The following CYP7B1 variants were observed in gnomAD, a reference collection of about 807,000 sequenced individuals.
CYP7B1 encodes cytochrome P450 family 7 subfamily B member 1, also known as cytochrome P450 7B1.
In CYP7B1, 29 loss-of-function variants were observed where a neutral mutation model predicts 42.7. That is an observed-to-expected ratio of 0.68 (90% CI 0.51 to 0.93). The LOEUF (loss-of-function observed/expected upper bound fraction) is 0.93, where lower values mean the gene tolerates loss of function less well. CYP7B1 is among the 40% of genes least tolerant of loss of function. The pLI is 0.00. For missense variants in CYP7B1, 655 were observed against 600.5 expected, an observed-to-expected ratio of 1.09 and a Z score of -0.95; for synonymous variants, 235 against 218.2, an observed-to-expected ratio of 1.08 and a Z score of -0.68.
rs1331572536 is a variant in CYP7B1, at chr8:64,685,278, G to A, written c.123-60739C>T. 1.3e-4 allele frequency among the ~76,000 whole-genome samples: 19 copies of A among 143,936 alleles called. No individual in the cohort carries two copies. The East Asian group carries it at 1.5e-3, about 11-fold the overall frequency. The allele number at this position is 143,936 out of a possible 152,430, so 94.4% of individuals were successfully genotyped here. ...AGTGCCGAGATTGCAGCCTCTGCCC[G>A]GCTGCCACCCCGTCTGGGAAGTGAG... On this transcript the variant is annotated intron_variant, in intron 1 of 5. Coordinates refer to ENST00000310193, the MANE Select transcript of CYP7B1 (RefSeq NM_004820.5).
chr8:64,629,003 G>A (rs1001841199), intron 1 of CYP7B1, among the ~76,000 whole-genome samples: 8 of 152,034 alleles, frequency 5.3e-5, no homozygotes, highest in South Asian at 2.1e-4. Context: ...TGAGGTGGGC[G>A]GATCATGACG....
At chr8:64,603,720 C>A (rs944906767) in intron 5 of CYP7B1, among the ~76,000 whole-genome samples, 3 of 152,132 alleles carry the variant, frequency 2.0e-5, no homozygotes, top group Non-Finnish European at 4.4e-5. Context: ...TATGTACACT[C>A]CCCCCACACT....
chr8:64,793,666 C>G (rs1440925007), intron 1 of CYP7B1, among the ~76,000 whole-genome samples: 1 of 151,932 alleles, frequency 6.6e-6, no homozygotes, highest in Non-Finnish European at 1.5e-5. Flanking sequence ...TAAGGCTGGT[C>G]CTTCCAATGG....
chr8:64,640,619 A>T (rs1805838394), intron 1 of CYP7B1, among the ~76,000 whole-genome samples: 1 of 152,160 alleles, frequency 6.6e-6, no homozygotes, highest in Admixed American at 6.6e-5. Context: ...CTGAAACTAA[A>T]AGAGATTTGG....
intron 1 of CYP7B1, among the ~76,000 whole-genome samples, chr8:64,699,506 A>T (rs575757001): frequency 9.2e-5 from 14 of 152,260 alleles, no homozygotes; most frequent in African/African-American, 3.4e-4. Flanking sequence ...AACCAATGAC[A>T]TTCAAGAGAG....
At chr8:64,644,662 A>G (rs1272351194) in intron 1 of CYP7B1, among the ~76,000 whole-genome samples, 1 of 152,178 alleles carries the variant, frequency 6.6e-6, no homozygotes, top group Non-Finnish European at 1.5e-5. Flanking sequence ...GGTCTCAACA[A>G]TGAACTTAAA....
chr8:64,598,879 T>G (rs558171397), intron 5 of CYP7B1, among the ~76,000 whole-genome samples: 1 of 152,366 alleles, frequency 6.6e-6, no homozygotes, highest in South Asian at 2.1e-4. Flanking sequence ...GCCACTGTCT[T>G]TAGCTCTGTG....
At chr8:64,703,468 T>C (rs1266681390) in intron 1 of CYP7B1, among the ~76,000 whole-genome samples, 1 of 152,010 alleles carries the variant, frequency 6.6e-6, no homozygotes, top group Non-Finnish European at 1.5e-5. Flanking sequence ...TCATATTTAA[T>C]ACCATACAAA....
At chr8:64,647,101 T>A (rs555205013) in intron 1 of CYP7B1, among the ~76,000 whole-genome samples, 1 of 152,246 alleles carries the variant, frequency 6.6e-6, no homozygotes, top group Admixed American at 6.5e-5. Context: ...TTGGCCTAAC[T>A]TCAATGTTGT....
At chr8:64,700,741 C>T (rs559867926) in intron 1 of CYP7B1, among the ~76,000 whole-genome samples, 4 of 152,162 alleles carry the variant, frequency 2.6e-5, no homozygotes, top group African/African-American at 7.2e-5. Context: ...TATGTGATAG[C>T]AGTGGGTGGT....
chr8:64,638,676 G>A (rs1351340522), intron 1 of CYP7B1, among the ~76,000 whole-genome samples: 1 of 152,070 alleles, frequency 6.6e-6, no homozygotes, highest in Non-Finnish European at 1.5e-5. Context: ...CAATTCCAGG[G>A]TGGAGTAAGG....
chr8:64,670,413 AAGAT>A (rs1407906789), intron 1 of CYP7B1, among the ~76,000 whole-genome samples: 1 of 152,182 alleles, frequency 6.6e-6, no homozygotes, highest in East Asian at 1.9e-4. Context: ...AAATGAAAAA[AAGAT>A]AGGCTTCTGC....
rs1487053159 is a variant in CYP7B1 at position 64,615,293 on chromosome 8, G to C, written c.851-61C>G. The C allele has an allele frequency of 4.7e-6, 7 of 1,501,836 alleles. No individual in the cohort carries two copies. The Admixed American group carries it at 1.2e-4, about 25-fold the overall frequency. 93.0% of individuals were successfully genotyped at this position (1,501,836 alleles called of 1,614,324 possible). On this transcript the variant is annotated intron_variant, in intron 3 of 5. Coordinates refer to ENST00000310193, the MANE Select transcript of CYP7B1 (RefSeq NM_004820.5). ...GTTTATTACACTGATTAGATTTGCAGTGTGCTAATTAAAAGATGTTAGGAC... is the reference window on the plus strand; with the variant it reads ...GTTTATTACACTGATTAGATTTGCACTGTGCTAATTAAAAGATGTTAGGAC...
chr8:64,791,125 C>T (rs1804610641), intron 1 of CYP7B1, among the ~76,000 whole-genome samples: 1 of 152,142 alleles, frequency 6.6e-6, no homozygotes, highest in African/African-American at 2.4e-5. Context: ...CCAGTAAACA[C>T]CTTGATCTTA....
chr8:64,724,911 C>T (rs1207572630), intron 1 of CYP7B1, among the ~76,000 whole-genome samples: 3 of 152,226 alleles, frequency 2.0e-5, no homozygotes, highest in Non-Finnish European at 4.4e-5. Context: ...CTCTAACCTT[C>T]CCCTGTCTTT....
intron 1 of CYP7B1, among the ~76,000 whole-genome samples, chr8:64,698,446 C>T (rs572478715): frequency 3.9e-5 from 6 of 152,242 alleles, no homozygotes; most frequent in African/African-American, 9.6e-5. Context: ...GAATTCACCA[C>T]GCGACCCTGC....
At chr8:64,758,751 G>A (rs939882299) in intron 1 of CYP7B1, among the ~76,000 whole-genome samples, 11 of 152,064 alleles carry the variant, frequency 7.2e-5, no homozygotes, top group African/African-American at 2.4e-4. Flanking sequence ...TTCATACCTC[G>A]ATTCTTCACT....
intron 2 of CYP7B1, 130 bp downstream of exon 2, chr8:64,624,273 A>C (rs1318488830): frequency 1.2e-6 from 1 of 863,108 alleles, no homozygotes; most frequent in Non-Finnish European, 1.8e-6. Flanking sequence ...GTTTTCTTTC[A>C]CATTAGCTCT....
intron 1 of CYP7B1, among the ~76,000 whole-genome samples, chr8:64,677,233 C>A (rs1284638522): frequency 1.3e-5 from 2 of 151,736 alleles, no homozygotes; most frequent in Admixed American, 1.3e-4. Flanking sequence ...CATTAAAATT[C>A]AGAACAAAGC....
Sources: allele counts gnomAD v4.1 joint callset (sites outside exome capture counted in the v4.1 genomes callset), GRCh38; gene constraint gnomAD v4.1.1; transcripts MANE v1.5; gene names NCBI Gene and HGNC (gene_info 2026-07-23, HGNC 2026-07-21).